The following SETD5 variants were observed in gnomAD, a reference collection of about 807,000 sequenced individuals.
SETD5 encodes the protein histone-lysine N-methyltransferase SETD5.
Under a neutral mutation model 153.3 loss-of-function variants are expected in SETD5, and 44 were observed. The ratio of observed to expected loss-of-function variants is 0.29; its 90% CI spans 0.23 to 0.37. SETD5 has a LOEUF of 0.37. SETD5 is among the 10% of genes least tolerant of loss of function. SETD5 has a pLI of 1.00. For missense variants in SETD5, 1,544 were observed against 1,768.0 expected (o/e 0.87, Z 2.27); for synonymous variants, 716 against 645.2 (o/e 1.11, Z -1.66).
chr3:9,412,464 A>T (rs956160248), intron 1 of SETD5, among the ~76,000 whole-genome samples: 1 of 142,434 alleles, frequency 7.0e-6, no homozygotes, highest in African/African-American at 2.6e-5. Flanking sequence ...GTGCAGTAGC[A>T]CAATCATTGT....
rs1057015640 is a variant in SETD5, at chr3:9,440,152, A to G, written c.568-304A>G. Among the ~76,000 whole-genome samples the G allele has an allele frequency of 2.6e-5, 4 of 152,182 alleles. No homozygotes were observed. The South Asian group carries it at 8.3e-4, about 31-fold the overall frequency. ...TCCTTTGATTAGAAAATTGATTTTT[A>G]TGACTTTAAAATGGTCATAAAATCA... On this transcript the variant is annotated intron_variant, in intron 7 of 22. Coordinates refer to ENST00000402198, the MANE Select transcript of SETD5 (RefSeq NM_001080517.3).
chr3:9,471,511 A>G (rs2045300304), intron 19 of SETD5, among the ~76,000 whole-genome samples: 1 of 152,218 alleles, frequency 6.6e-6, no homozygotes, highest in African/African-American at 2.4e-5. Flanking sequence ...GTGGCACTCC[A>G]TTGGCCAGGC....
At chr3:9,471,211 C>G (rs1057279191) in intron 19 of SETD5, among the ~76,000 whole-genome samples, 2 of 152,158 alleles carry the variant, frequency 1.3e-5, no homozygotes, top group African/African-American at 4.8e-5. Flanking sequence ...GTCCCAAGTT[C>G]GAGGCACTGT....
intron 1 of SETD5, among the ~76,000 whole-genome samples, chr3:9,417,905 T>G (rs1027827022): frequency 6.6e-6 from 1 of 151,618 alleles, no homozygotes; most frequent in African/African-American, 2.4e-5. Context: ...CATCATATTT[T>G]AAACTTCTGA....
intron 1 of SETD5, among the ~76,000 whole-genome samples, chr3:9,404,011 G>C (rs949529889): frequency 1.3e-5 from 2 of 152,130 alleles, no homozygotes; most frequent in African/African-American, 4.8e-5. Flanking sequence ...AGGAATATAT[G>C]ACAAGGTTTT....
chr3:9,436,740 G>A (rs1314889629), intron 7 of SETD5: 1 of 864,806 alleles, frequency 1.2e-6, no homozygotes, highest in Non-Finnish European at 1.8e-6. Context: ...TAGAGAAAGG[G>A]GGACAGAATA....
At chr3:9,431,789 C>T (rs1352692396) in intron 3 of SETD5, 5 of 922,062 alleles carry the variant, frequency 5.4e-6, no homozygotes, top group Non-Finnish European at 5.2e-6. Context: ...ATCTCCATGG[C>T]CATCTTTGAT....
At position 9,434,412 on chromosome 3, in the gene SETD5, G is replaced by A. The variant is rs2040327378; in HGVS notation, c.256G>A (p.Gly86Arg). 6.2e-7 allele frequency: 1 copy of A among 1,613,984 alleles called. No individual in the cohort carries two copies. Among genetic ancestry groups the A allele is most frequent in the East Asian group, 2.2e-5 (1 of 44,876 alleles). Residue 86 changes from glycine to arginine, a missense_variant, in exon 5 of 23, where the codon GGA becomes AGA. Around this residue, in one of 9 missense-constraint regions of SETD5, gnomAD observed 251 missense variants for 326.9 expected, o/e 0.77. Coordinates refer to ENST00000402198, the MANE Select transcript of SETD5 (RefSeq NM_001080517.3). This position sits in a 1 kb window ranked among gnomAD's most constrained non-coding sequence, Gnocchi z 5.6. ...ERCGDSPNSEGETVPTWCPCG... is the reference protein window; with the variant it reads ...ERCGDSPNSERETVPTWCPCG... ...CTGTGGAGACAGCCCGAACTCTGAA[G>A]GAGAAACTGTACCTACCTGGTGTCC...
At chr3:9,453,592 C>A in intron 16 of SETD5, 147 bp from the exon 17 acceptor site, 1 of 669,906 alleles carries the variant, frequency 1.5e-6, no homozygotes, top group Non-Finnish European at 2.3e-6. Flanking sequence ...TTCCAATATG[C>A]TGAGACACAA....
rs536791461 is a variant in SETD5 at position 9,407,779 on chromosome 3, TC to T, written c.-177+9803del. Among the ~76,000 whole-genome samples the T allele has an allele frequency of 1.9e-3, 295 of 152,304 alleles. 6 individuals carry two copies. Among genetic ancestry groups the T allele is most frequent in the African/African-American group, 6.5e-3 (270 of 41,558 alleles). ...ACTTTGGGATGCCAAGGTGGGCAGA[TC>T]ACCTGAGGTCTGGAGTTCGAGAGCA... is the stretch of plus-strand genomic sequence containing the variant. On this transcript the variant is annotated intron_variant, in intron 1 of 22. Transcript: ENST00000402198.
At chr3:9,400,147 G>A (rs1308040552) in intron 1 of SETD5, among the ~76,000 whole-genome samples, 1 of 152,220 alleles carries the variant, frequency 6.6e-6, no homozygotes, top group Non-Finnish European at 1.5e-5. Context: ...ATGGGAATTA[G>A]TAATTCATAA....
intron 3 of SETD5, chr3:9,433,254 A>G (rs1236225603): frequency 4.9e-6 from 3 of 610,578 alleles, no homozygotes; most frequent in Non-Finnish European, 7.4e-6. Flanking sequence ...ATATGCTTGC[A>G]TGTCATTGGT....
chr3:9,451,964 C>T (rs943769521), intron 16 of SETD5, among the ~76,000 whole-genome samples: 1 of 152,166 alleles, frequency 6.6e-6, no homozygotes, highest in African/African-American at 2.4e-5. Flanking sequence ...AACTTATTAT[C>T]CATGAGGTTA....
chr3:9,425,610 C>T (rs1288183120), intron 2 of SETD5, among the ~76,000 whole-genome samples: 7 of 134,520 alleles, frequency 5.2e-5, no homozygotes, highest in African/African-American at 8.4e-5. Flanking sequence ...AAGAGTTTCA[C>T]TTTTGCTCAG....
intron 21 of SETD5, 70 bp downstream of exon 21, chr3:9,474,652 T>TA (rs2045666520): frequency 3.8e-6 from 6 of 1,566,978 alleles, no homozygotes; most frequent in Non-Finnish European, 5.2e-6. Flanking sequence ...AGTTCATGCC[T>TA]AGTGCTGAGT....
intron 1 of SETD5, among the ~76,000 whole-genome samples, chr3:9,423,559 A>G (rs970502750): frequency 1.3e-5 from 2 of 150,508 alleles, no homozygotes; most frequent in Non-Finnish European, 3.0e-5. Context: ...TTCTTCCTTG[A>G]TTTACTTTAT....
At chr3:9,445,548 C>A in intron 12 of SETD5, 109 bp from the exon 13 acceptor site, 2 of 999,460 alleles carry the variant, frequency 2.0e-6, no homozygotes, top group Non-Finnish European at 3.0e-6. Context: ...CATGAGTTAA[C>A]AGTTTAAAGC....
intron 1 of SETD5, among the ~76,000 whole-genome samples, chr3:9,414,395 G>GT (rs899746878): frequency 1.3e-5 from 2 of 152,142 alleles, no homozygotes; most frequent in Non-Finnish European, 2.9e-5. Flanking sequence ...GTGTGTGTGT[G>GT]TGTTGTTGTT....
chr3:9,401,213 T>C (rs1019333030), intron 1 of SETD5, among the ~76,000 whole-genome samples: 3 of 152,234 alleles, frequency 2.0e-5, no homozygotes, highest in Admixed American at 1.3e-4. Flanking sequence ...CCAATTCTTA[T>C]TACTATCACA....
Sources: gnomAD v4.1 joint callset for allele counts (sites outside exome capture counted in the v4.1 genomes callset) on GRCh38, gnomAD v4.1.1 for gene constraint, gnomAD v4.1.1 regional missense constraint, Gnocchi (gnomAD v3.1) non-coding constraint, MANE v1.5 for transcripts, NCBI Gene and HGNC (gene_info 2026-07-23, HGNC 2026-07-21) for gene names.